DDO: variants seen among roughly 807,000 people sequenced by gnomAD.
DDO encodes the protein D-aspartate oxidase, also known as D-aspartate oxidase, DDO.
DDO carries 16 observed loss-of-function variants against 16.8 expected under a neutral mutation model. That is an observed-to-expected ratio of 0.95 (90% CI 0.65 to 1.45). The LOEUF (loss-of-function observed/expected upper bound fraction) is 1.45. Among genes scored for constraint, DDO ranks in the 40% most tolerant of loss-of-function variants. The pLI is 0.00. For missense variants in DDO, 429 were observed against 420.3 expected (o/e 1.02, Z -0.18); for synonymous variants, 180 against 167.2 (o/e 1.08, Z -0.59).
chr6:110,400,057 T>G (rs930753945), intron 4 of DDO, among the ~76,000 whole-genome samples: 2 of 152,156 alleles, frequency 1.3e-5, no homozygotes, highest in South Asian at 2.1e-4. Flanking sequence ...CCAAGCCCCC[T>G]GGCTGGGGGT....
At chr6:110,394,699 C>T (rs550430061) in intron 4 of DDO, among the ~76,000 whole-genome samples, 1 of 152,184 alleles carries the variant, frequency 6.6e-6, no homozygotes, top group Non-Finnish European at 1.5e-5. Context: ...AATCAGAAAG[C>T]CTGGCTTTAT....
intron 1 of DDO, among the ~76,000 whole-genome samples, chr6:110,415,173 A>G (rs1774004301): frequency 6.6e-6 from 1 of 152,250 alleles, no homozygotes; most frequent in South Asian, 2.1e-4. Flanking sequence ...GGTGGGGGCC[A>G]GCTTGAGTAG....
At chr6:110,410,568 A>G (rs747681340) in intron 2 of DDO, among the ~76,000 whole-genome samples, 23 of 152,226 alleles carry the variant, frequency 1.5e-4, no homozygotes, top group Non-Finnish European at 2.8e-4. Flanking sequence ...AGGGAAGCAA[A>G]CAAGTCCTTC....
intron 4 of DDO, 113 bp downstream of exon 4, chr6:110,404,661 G>A (rs886259418): frequency 2.0e-5 from 23 of 1,179,102 alleles, no homozygotes; most frequent in African/African-American, 1.1e-4. Context: ...GCAAGGCAAC[G>A]CGAAAGAGCT....
chr6:110,400,890 A>G (rs1773465491), intron 4 of DDO, among the ~76,000 whole-genome samples: 2 of 152,176 alleles, frequency 1.3e-5, no homozygotes, highest in South Asian at 4.1e-4. Flanking sequence ...TTTCTTCTTG[A>G]GGCAGTGAGT....
At chr6:110,391,514 T>G (rs2114802129), downstream of DDO, among the ~76,000 whole-genome samples, 1 of 152,200 alleles carries the variant, frequency 6.6e-6, no homozygotes, top group Middle Eastern at 3.4e-3. Context: ...TTTTGTATTT[T>G]TATAGAGACG....
chr6:110,400,368 C>T (rs1773445460), intron 4 of DDO, among the ~76,000 whole-genome samples: 2 of 148,856 alleles, frequency 1.3e-5, no homozygotes, highest in South Asian at 4.3e-4. Context: ...CGCCTCATCA[C>T]GGGCCCGCGT....
chr6:110,396,370 G>A (rs1773291517), intron 4 of DDO, among the ~76,000 whole-genome samples: 1 of 152,184 alleles, frequency 6.6e-6, no homozygotes, highest in Non-Finnish European at 1.5e-5. Context: ...GGCTTGTACT[G>A]TGCCCAGCAC....
chr6:110,403,834 A>C (rs1178090760), intron 4 of DDO, among the ~76,000 whole-genome samples: 4 of 152,262 alleles, frequency 2.6e-5, no homozygotes, highest in Non-Finnish European at 4.4e-5. Flanking sequence ...TATTTTAAAA[A>C]GAAATCATAT....
At chr6:110,409,427 C>A (rs1279726711) in intron 2 of DDO, among the ~76,000 whole-genome samples, 3 of 152,114 alleles carry the variant, frequency 2.0e-5, no homozygotes, top group Non-Finnish European at 2.9e-5. Context: ...GATGAGGGAA[C>A]TGAGGCAGAG....
downstream of DDO, chr6:110,388,922 A>G (rs1450276105): frequency 1.9e-5 from 9 of 474,948 alleles, no homozygotes; most frequent in Non-Finnish European, 2.5e-5. Flanking sequence ...TTATATAAAC[A>G]TTGAAATCTT....
Position 110,411,027 on chromosome 6 carries a change from A to G in DDO, c.172+2264T>C, listed in dbSNP as rs554970490. ...TGCCGTGCTGAAAAAAGGAGTGTTA[A>G]GGAAACACATGCAAACTGGATGCTA... On this transcript the variant is annotated intron_variant, in intron 2 of 4. Coordinates refer to ENST00000368924, the MANE Select transcript of DDO (RefSeq NM_001372108.2). 2.0e-5 allele frequency among the ~76,000 whole-genome samples: 3 copies of G among 152,292 alleles called. No individual in the cohort carries two copies. In the East Asian group the frequency reaches 5.8e-4, roughly 29 times the overall value.
chr6:110,412,865 T>C (rs1773905787), intron 2 of DDO, among the ~76,000 whole-genome samples: 1 of 152,134 alleles, frequency 6.6e-6, no homozygotes, highest in African/African-American at 2.4e-5. Context: ...AAACCGCACA[T>C]TATGGCCAAG....
intron 2 of DDO, among the ~76,000 whole-genome samples, chr6:110,409,050 C>T (rs1773759479): frequency 6.6e-6 from 1 of 152,170 alleles, no homozygotes; most frequent in Non-Finnish European, 1.5e-5. Flanking sequence ...GCTGCCATTA[C>T]CTTCCACACC....
Position 110,392,747 on chromosome 6 carries a change from C to T in DDO, c.*28G>A. 2.0e-6 allele frequency: 3 copies of T among 1,510,588 alleles called. No homozygotes were observed. Among genetic ancestry groups the T allele is most frequent in the Non-Finnish European group, 2.7e-6 (3 of 1,131,814 alleles). 93.6% of individuals were successfully genotyped at this position (1,510,588 alleles called of 1,614,324 possible). A position where few individuals can be genotyped will look rare whatever the true frequency, so the allele number is the denominator to read the frequency against. ...TTCTGTGCTTTGATCAACAGTCTCT[C>T]AGTCTCTTTGCTGTCATTTTATGTC... On this transcript the variant is annotated 3_prime_UTR_variant, in exon 5 of 5. Coordinates refer to ENST00000368924, the MANE Select transcript of DDO (RefSeq NM_001372108.2).
chr6:110,389,525 A>G (rs1452010012), downstream of DDO, among the ~76,000 whole-genome samples: 1 of 152,244 alleles, frequency 6.6e-6, no homozygotes, highest in Non-Finnish European at 1.5e-5. Flanking sequence ...TACATTTGGC[A>G]GAGATTCAAA....
At chr6:110,402,846 C>A (rs1773526087) in intron 4 of DDO, among the ~76,000 whole-genome samples, 1 of 152,098 alleles carries the variant, frequency 6.6e-6, no homozygotes, top group African/African-American at 2.4e-5. Flanking sequence ...CTTAATCAGC[C>A]CTTGACCATG....
chr6:110,395,278 C>T (rs896653608), intron 4 of DDO, among the ~76,000 whole-genome samples: 16 of 152,012 alleles, frequency 1.1e-4, no homozygotes, highest in East Asian at 1.9e-4. Context: ...AGAATTCCTT[C>T]GCTGGACTGC....
At chr6:110,403,046 A>T (rs2114824954) in intron 4 of DDO, among the ~76,000 whole-genome samples, 1 of 152,284 alleles carries the variant, frequency 6.6e-6, no homozygotes, top group South Asian at 2.1e-4. Context: ...TAATAATACC[A>T]AAAAAAGTTA....
Sources: allele counts gnomAD v4.1 joint callset (sites outside exome capture counted in the v4.1 genomes callset), GRCh38; gene constraint gnomAD v4.1.1; transcripts MANE v1.5; gene names NCBI Gene and HGNC (gene_info 2026-07-23, HGNC 2026-07-21).